ANK2: variants seen among roughly 807,000 people sequenced by gnomAD.
The protein encoded by ANK2 is ankyrin 2.
A neutral mutation model predicts 360.5 loss-of-function variants in ANK2; 83 were observed. The ratio of observed to expected loss-of-function variants is 0.23; its 90% CI spans 0.19 to 0.28. ANK2 has a LOEUF of 0.28. ANK2 is among the 10% of genes least tolerant of loss of function. The pLI is 1.00. For missense variants in ANK2, 4,201 were observed against 4,795.7 expected (o/e 0.88, Z 3.66); for synonymous variants, 1,740 against 1,759.5 (o/e 0.99, Z 0.28).
At chr4:112,962,026 T>G (rs1291143594) in intron 2 of ANK2, among the ~76,000 whole-genome samples, 1 of 152,198 alleles carries the variant, frequency 6.6e-6, no homozygotes, top group Non-Finnish European at 1.5e-5. Context: ...TCTGTGGTCT[T>G]CAAACTTTGG....
At chr4:113,240,006 A>G (rs913724454) in intron 7 of ANK2, among the ~76,000 whole-genome samples, 2 of 152,214 alleles carry the variant, frequency 1.3e-5, no homozygotes, top group Admixed American at 6.5e-5. Context: ...ATTTTTCAAC[A>G]TATTTTCATG....
intron 2 of ANK2, among the ~76,000 whole-genome samples, chr4:113,032,236 T>C (rs1365119728): frequency 6.6e-6 from 1 of 152,064 alleles, no homozygotes; most frequent in African/African-American, 2.4e-5. Flanking sequence ...ATATAGAATG[T>C]TTTGGATTCA....
intron 1 of ANK2, among the ~76,000 whole-genome samples, chr4:112,821,259 G>T (rs1374129022): frequency 6.6e-6 from 1 of 151,772 alleles, no homozygotes. Context: ...GTGTTGTCAG[G>T]GCTGGTCTGG....
At chr4:113,079,542 T>C (rs1158380371) in intron 1 of ANK2, among the ~76,000 whole-genome samples, 1 of 152,246 alleles carries the variant, frequency 6.6e-6, no homozygotes, top group South Asian at 2.1e-4. Flanking sequence ...ACATGACTTA[T>C]GTGCTTTAGT....
At chr4:112,787,990 G>A in the ANK2 span, 26 of 680,578 alleles carry the variant, frequency 3.8e-5, 1 homozygote, top group Non-Finnish European at 6.5e-5. Flanking sequence ...CATTACAGAG[G>A]ACACATATTA....
chr4:113,012,386 A>C (rs533580345), intron 2 of ANK2, among the ~76,000 whole-genome samples: 1 of 152,174 alleles, frequency 6.6e-6, no homozygotes, highest in African/African-American at 2.4e-5. Flanking sequence ...TAGTCTTCAC[A>C]GCTTATCCTG....
At chr4:113,154,412 C>T (rs1213538202) in intron 1 of ANK2, among the ~76,000 whole-genome samples, 1 of 152,158 alleles carries the variant, frequency 6.6e-6, no homozygotes, top group Admixed American at 6.5e-5. Flanking sequence ...GTTGAGCAGT[C>T]AGCTTGAACA....
chr4:113,155,277 C>T (rs1408049354), intron 1 of ANK2, among the ~76,000 whole-genome samples: 1 of 152,184 alleles, frequency 6.6e-6, no homozygotes, highest in Admixed American at 6.5e-5. Flanking sequence ...ATCCAATCCA[C>T]ATATTCTATA....
intron 2 of ANK2, among the ~76,000 whole-genome samples, chr4:112,994,373 G>A (rs1330702160): frequency 6.6e-6 from 1 of 152,122 alleles, no homozygotes; most frequent in Non-Finnish European, 1.5e-5. Flanking sequence ...TCCTTCATTG[G>A]CAGATTCATA....
At chr4:113,070,737 T>G (rs916393015) in intron 1 of ANK2, among the ~76,000 whole-genome samples, 1 of 152,142 alleles carries the variant, frequency 6.6e-6, no homozygotes. Context: ...CCTTATTCCC[T>G]TGTGTGACTT....
intron 1 of ANK2, among the ~76,000 whole-genome samples, chr4:113,087,365 G>A (rs1171011209): frequency 6.6e-6 from 1 of 152,132 alleles, no homozygotes; most frequent in Non-Finnish European, 1.5e-5. Flanking sequence ...GTGGAAAATA[G>A]GTTAGAACCA....
intron 2 of ANK2, among the ~76,000 whole-genome samples, chr4:112,979,311 G>A (rs560312641): frequency 2.0e-5 from 3 of 152,356 alleles, no homozygotes; most frequent in Non-Finnish European, 4.4e-5. Flanking sequence ...CGAGGCTGTG[G>A]CTGGATCAGG....
chr4:113,025,001 G>T (rs2058967023), intron 2 of ANK2, among the ~76,000 whole-genome samples: 1 of 151,934 alleles, frequency 6.6e-6, no homozygotes, highest in East Asian at 1.9e-4. Flanking sequence ...GGATACCATT[G>T]ATTCATTACT....
At chr4:112,850,185 GATGGCATA>G (rs1171972246) in intron 1 of ANK2, among the ~76,000 whole-genome samples, 2 of 152,012 alleles carry the variant, frequency 1.3e-5, no homozygotes, top group East Asian at 3.9e-4. Flanking sequence ...TCAATTTGCA[GATGGCATA>G]ATGGTGGGAC....
intron 1 of ANK2, among the ~76,000 whole-genome samples, chr4:113,115,012 T>C (rs1478080092): frequency 6.6e-6 from 1 of 152,160 alleles, no homozygotes; most frequent in Non-Finnish European, 1.5e-5. Flanking sequence ...GGAAAGAAAA[T>C]GCCAGATGGC....
intron 14 of ANK2, among the ~76,000 whole-genome samples, chr4:113,266,940 C>T (rs1347836575): frequency 1.3e-5 from 2 of 151,808 alleles, no homozygotes; most frequent in Non-Finnish European, 2.9e-5. Flanking sequence ...AAATGATCAC[C>T]ATTCTAACTG....
chr4:113,052,038 T>C (rs1580127786), intron 1 of ANK2, among the ~76,000 whole-genome samples: 1 of 152,188 alleles, frequency 6.6e-6, no homozygotes, highest in Admixed American at 6.5e-5. Flanking sequence ...TTTTTCAAAA[T>C]GTCAAAAGTT....
In ANK2 at chr4:113,355,997, T is replaced by C. The variant is rs1294965906; in HGVS notation, c.7379T>C (p.Leu2460Pro). 5 of 1,614,102 alleles carry C rather than the reference T, an allele frequency of 3.1e-6. No individual in the cohort carries two copies. The highest frequency in any genetic ancestry group is 1.7e-4 in the Middle Eastern group (1 of 6,060). Residue 2460 changes from leucine (L) to proline (P), a missense_variant, in exon 38 of 46, where the codon CTG becomes CCG. Physicochemically the swap from Leu to Pro is moderately conservative, Grantham distance 98. Around this residue, in one of 4 missense-constraint regions of ANK2, gnomAD observed 2,642 missense variants for 2,714.5 expected, o/e 0.97. Coordinates refer to ENST00000357077, the MANE Select transcript of ANK2 (RefSeq NM_001148.6). ...CCTGATTCTCTGGAGCCAAGTCCTCTGAAAGAATCCCCTTGCCGTGACTCT... is the reference window on the plus strand; with the variant it reads ...CCTGATTCTCTGGAGCCAAGTCCTCCGAAAGAATCCCCTTGCCGTGACTCT... ...KTPDSLEPSP[L>P]KESPCRDSLE...
intron 1 of ANK2, among the ~76,000 whole-genome samples, chr4:113,127,500 T>A (rs948769793): frequency 2.0e-5 from 3 of 152,028 alleles, no homozygotes; most frequent in Non-Finnish European, 4.4e-5. Flanking sequence ...ATGTGTATAT[T>A]TACAGGGTAC....
Sources: allele counts gnomAD v4.1 joint callset (sites outside exome capture counted in the v4.1 genomes callset), GRCh38; gene constraint gnomAD v4.1.1; regional missense constraint gnomAD v4.1.1; transcripts MANE v1.5; gene names NCBI Gene and HGNC (gene_info 2026-07-23, HGNC 2026-07-21).